Variants in NDUFAF6 observed in about 807,000 individuals in gnomAD.
NDUFAF6 encodes NADH dehydrogenase (ubiquinone) complex I, assembly factor 6.
In NDUFAF6, 45 loss-of-function variants were observed where a neutral mutation model predicts 40.8. The observed-to-expected ratio is 1.10, with a 90% confidence interval of 0.87 to 1.42. NDUFAF6 has a LOEUF of 1.42. Among genes scored for constraint, NDUFAF6 ranks in the 40% most tolerant of loss-of-function variants. The probability of loss-of-function intolerance (pLI) is 0.00; values close to 1 mark genes in which losing one functional copy is unlikely to be tolerated. For synonymous variants in NDUFAF6, 185 were observed against 155.9 expected (o/e 1.19, Z -1.39); for missense variants, 435 against 418.5 (o/e 1.04, Z -0.34).
intron 1 of NDUFAF6, among the ~76,000 whole-genome samples, chr8:94,917,692 A>G (rs1483133026): frequency 6.6e-6 from 1 of 152,196 alleles, no homozygotes; most frequent in African/African-American, 2.4e-5. Context: ...AAATTCTATT[A>G]AAAAAATAGG....
At chr8:95,098,210 C>T (rs1187804358), upstream of NDUFAF6, among the ~76,000 whole-genome samples, 2 of 152,142 alleles carry the variant, frequency 1.3e-5, no homozygotes, top group African/African-American at 4.8e-5. Context: ...GCAATGGATA[C>T]CCCAATCTGG....
chr8:95,066,899 G>C (rs28573244), intron 9 of NDUFAF6: 1 of 152,124 alleles, frequency 6.6e-6, no homozygotes, highest in Non-Finnish European at 1.5e-5. Flanking sequence ...CCAGTTTCCC[G>C]ATGGGTTACC....
At chr8:95,052,319 C>T in intron 8 of NDUFAF6, 89 bp downstream of exon 8, 2 of 1,393,582 alleles carry the variant, frequency 1.4e-6, no homozygotes, top group South Asian at 2.3e-5. Flanking sequence ...CAATGAACTT[C>T]TTTAGTTCGG....
chr8:95,025,079 G>C lies in NDUFAF6; in HGVS notation c.71G>C (p.Arg24Pro). ...RLGIPGLCCRRPPLGLYARMR... is the reference protein window; with the variant it reads ...RLGIPGLCCRPPPLGLYARMR... Reference sequence around the variant, plus strand: ...GGCATCCCCGGCCTGTGCTGCCGCCGGCCGCCTCTGGGTCTGTACGCGCGC... The same window carrying C: ...GGCATCCCCGGCCTGTGCTGCCGCCCGCCGCCTCTGGGTCTGTACGCGCGC... The change falls in exon 1 of 9, where the codon CGG (arginine) becomes CCG (proline). Residue 24 changes from arginine (R) to proline (P), a missense_variant. Physicochemically the swap from Arg to Pro is moderately radical, Grantham distance 103 (BLOSUM62 -2). Transcript: ENST00000396124. 6.9e-7 allele frequency: 1 copy of C among 1,450,592 alleles called. No homozygotes were observed. The allele number at this position is 1,450,592 out of a possible 1,614,324, so 89.9% of individuals were successfully genotyped here. A position where few individuals can be genotyped will look rare whatever the true frequency, so the allele number is the denominator to read the frequency against.
chr8:95,044,914 T>G (rs2131881529), intron 4 of NDUFAF6, among the ~76,000 whole-genome samples: 1 of 152,324 alleles, frequency 6.6e-6, no homozygotes, highest in South Asian at 2.1e-4. Context: ...TTTTTCTGTT[T>G]CTTGCATATA....
At chr8:95,033,467 C>G (rs1029574042) in intron 2 of NDUFAF6, among the ~76,000 whole-genome samples, 2 of 152,182 alleles carry the variant, frequency 1.3e-5, no homozygotes, top group Non-Finnish European at 1.5e-5. Context: ...TTCACTCATT[C>G]AACAAGTGTT....
downstream of NDUFAF6, among the ~76,000 whole-genome samples, chr8:95,106,625 G>A (rs1224982987): frequency 2.6e-5 from 4 of 152,146 alleles, no homozygotes; most frequent in Admixed American, 6.6e-5. Context: ...AGCCAAAATT[G>A]ACAAATGGGA....
chr8:94,932,706 G>A (rs1369787100), intron 1 of NDUFAF6, among the ~76,000 whole-genome samples: 3 of 152,202 alleles, frequency 2.0e-5, no homozygotes, highest in African/African-American at 7.2e-5. Flanking sequence ...GGGAGGCTGA[G>A]GCAGGAGAAC....
At chr8:95,094,202 C>T (rs902760544) in intron 2 of NDUFAF6, among the ~76,000 whole-genome samples, 6 of 152,190 alleles carry the variant, frequency 3.9e-5, no homozygotes, top group African/African-American at 1.2e-4. Flanking sequence ...GAACTCCTGA[C>T]CTCAGGTGAT....
At chr8:95,109,366 A>G (rs1470584960) in intron 4 of NDUFAF6, among the ~76,000 whole-genome samples, 2 of 152,232 alleles carry the variant, frequency 1.3e-5, no homozygotes, top group Non-Finnish European at 2.9e-5. Flanking sequence ...AATAATATCC[A>G]GAGATGTCTG....
intron 2 of NDUFAF6, among the ~76,000 whole-genome samples, chr8:94,999,209 C>T (rs532172078): frequency 1.7e-4 from 26 of 151,694 alleles, no homozygotes; most frequent in Non-Finnish European, 2.2e-4. Flanking sequence ...CTGCAACCTC[C>T]GCCTCCCTGG....
At chr8:94,992,704 G>T (rs1826249063) in intron 2 of NDUFAF6, among the ~76,000 whole-genome samples, 1 of 152,136 alleles carries the variant, frequency 6.6e-6, no homozygotes, top group Non-Finnish European at 1.5e-5. Context: ...GATATCTAAA[G>T]ATCTATTCCC....
chr8:94,982,071 A>G (rs1029503785), intron 2 of NDUFAF6, among the ~76,000 whole-genome samples: 3 of 152,076 alleles, frequency 2.0e-5, no homozygotes, highest in Non-Finnish European at 2.9e-5. Context: ...CTACTAAAAT[A>G]CAAAAACAAA....
intron 1 of NDUFAF6, among the ~76,000 whole-genome samples, chr8:94,942,697 TG>T (rs1821660399): frequency 6.6e-6 from 1 of 152,150 alleles, no homozygotes; most frequent in African/African-American, 2.4e-5. Context: ...ATGAATGCCA[TG>T]GAAGAAGTAT....
intron 2 of NDUFAF6, among the ~76,000 whole-genome samples, chr8:95,005,962 A>G (rs1056297851): frequency 2.0e-5 from 3 of 152,112 alleles, no homozygotes; most frequent in African/African-American, 4.8e-5. Context: ...TTTTAATTCA[A>G]ATGATGACCT....
At chr8:95,079,914 T>C (rs113273146), downstream of NDUFAF6, among the ~76,000 whole-genome samples, 73 of 145,496 alleles carry the variant, frequency 5.0e-4, 14 homozygotes, top group Middle Eastern at 7.0e-3. Context: ...ATTTTTGTAG[T>C]GTATTTTTTG....
At chr8:94,936,785 G>A (rs3019175) in intron 1 of NDUFAF6, among the ~76,000 whole-genome samples, 95,326 of 151,942 alleles carry the variant, frequency 0.63, 30,459 homozygotes, top group East Asian at 0.79. Flanking sequence ...ATATATCTCC[G>A]TGTGCTCCCT....
Position 95,083,094 on chromosome 8 carries a change from A to G in NDUFAF6, n.213+7342A>G, listed in dbSNP as rs73262429. Among the ~76,000 whole-genome samples, 1,342 of 152,252 alleles carry G rather than the reference A, an allele frequency of 8.8e-3. 22 individuals carry two copies. Among genetic ancestry groups the G allele is most frequent in the African/African-American group, 0.03 (1,262 of 41,538 alleles). On this transcript the variant is annotated intron_variant and non_coding_transcript_variant, in intron 2 of 5. Coordinates refer to the NDUFAF6 transcript ENST00000523184. ...CTGCACTTGACCCATATTCCTTAGA[A>G]TTCTTTCAGGGTTTTATCTGTCTTT...
intron 2 of NDUFAF6, among the ~76,000 whole-genome samples, chr8:95,011,679 T>G (rs10095946): frequency 2.0e-5 from 3 of 152,186 alleles, no homozygotes; most frequent in African/African-American, 7.2e-5. Flanking sequence ...GGGAATGGTA[T>G]AGAAGCTAAA....
Sources: allele counts gnomAD v4.1 joint callset (sites outside exome capture counted in the v4.1 genomes callset), GRCh38; gene constraint gnomAD v4.1.1; transcripts MANE v1.5; gene names NCBI Gene and HGNC (gene_info 2026-07-23, HGNC 2026-07-21).